Variants in ST6GALNAC3 observed in about 807,000 individuals in gnomAD.
ST6GALNAC3 encodes the protein ST6 N-acetylgalactosaminide alpha-2,6-sialyltransferase 3.
In ST6GALNAC3, 25 loss-of-function variants were observed where a neutral mutation model predicts 32.7. The observed-to-expected ratio is 0.76, with a 90% CI of 0.56 to 1.07. The LOEUF (loss-of-function observed/expected upper bound fraction) is 1.07. Ranked by LOEUF, ST6GALNAC3 falls within the 50% of genes least tolerant of loss-of-function variation. The probability of loss-of-function intolerance (pLI) is 0.00; values close to 1 mark genes in which losing one functional copy is unlikely to be tolerated. For synonymous variants in ST6GALNAC3, 129 were observed against 133.1 expected, an observed-to-expected ratio of 0.97 and a Z score of 0.21; for missense variants, 355 against 382.4, an observed-to-expected ratio of 0.93 and a Z score of 0.60.
chr1:76,389,001 TGGTA>T (rs1652313962), intron 2 of ST6GALNAC3, among the ~76,000 whole-genome samples: 1 of 124,102 alleles, frequency 8.1e-6, no homozygotes. Context: ...GGTTGTTAGT[TGGTA>T]TATTTCCTTT....
intron 3 of ST6GALNAC3, among the ~76,000 whole-genome samples, chr1:76,442,743 T>A (rs1224972873): frequency 6.6e-6 from 1 of 152,162 alleles, no homozygotes; most frequent in African/African-American, 2.4e-5. Context: ...CTTGGCATAG[T>A]CCCTTTTAGG....
intron 1 of ST6GALNAC3, chr1:76,309,956 G>T (rs758240488): frequency 6.1e-6 from 3 of 491,058 alleles, no homozygotes; most frequent in South Asian, 4.4e-5. Context: ...CAAAATGGTT[G>T]ACTTATTTTT....
intron 1 of ST6GALNAC3, among the ~76,000 whole-genome samples, chr1:76,203,860 T>C (rs1226234784): frequency 6.6e-6 from 1 of 152,222 alleles, no homozygotes; most frequent in Non-Finnish European, 1.5e-5. Context: ...ACCTTAAATA[T>C]ATGTCTTTTC....
chr1:76,364,119 G>T (rs1392251199), intron 2 of ST6GALNAC3, among the ~76,000 whole-genome samples: 5 of 152,132 alleles, frequency 3.3e-5, no homozygotes, highest in Non-Finnish European at 5.9e-5. Flanking sequence ...TACAAGGAAC[G>T]TATAAAACTC....
At chr1:76,619,938 A>G (rs889703231) in intron 3 of ST6GALNAC3, among the ~76,000 whole-genome samples, 1 of 152,066 alleles carries the variant, frequency 6.6e-6, no homozygotes, top group African/African-American at 2.4e-5. Context: ...AGAAGAAATT[A>G]TCCTCTTCAA....
chr1:76,294,430 T>C (rs1454164247), intron 1 of ST6GALNAC3, among the ~76,000 whole-genome samples: 2 of 152,102 alleles, frequency 1.3e-5, no homozygotes, highest in African/African-American at 2.4e-5. Context: ...ACCTCACTAT[T>C]GTTTAACTGC....
intron 1 of ST6GALNAC3, among the ~76,000 whole-genome samples, chr1:76,158,664 A>G (rs1174348235): frequency 6.6e-6 from 1 of 152,224 alleles, no homozygotes; most frequent in Non-Finnish European, 1.5e-5. Flanking sequence ...AGATCATAGT[A>G]GCTACCTCAC....
Position 76,634,270 on chromosome 1 carries a change from G to T in ST6GALNAC3, c.*5464G>T. On this transcript the variant is annotated 3_prime_UTR_variant, in exon 5 of 5. Coordinates refer to ENST00000328299, the MANE Select transcript of ST6GALNAC3 (RefSeq NM_152996.4). Reference sequence around the variant, plus strand: ...CCTATGAAGTGAGAGCTATTTCTAAGAAACTTCAAAAAGATCAAAACGAGG... The same window carrying T: ...CCTATGAAGTGAGAGCTATTTCTAATAAACTTCAAAAAGATCAAAACGAGG... 1.5e-6 allele frequency: 1 copy of T among 659,820 alleles called. No homozygotes were observed. Among genetic ancestry groups the T allele is most frequent in the Non-Finnish European group, 1.9e-6 (1 of 532,588 alleles). 40.9% of individuals were successfully genotyped at this position (659,820 alleles called of 1,614,324 possible).
intron 3 of ST6GALNAC3, among the ~76,000 whole-genome samples, chr1:76,510,115 G>A (rs192621128): frequency 6.6e-6 from 1 of 152,148 alleles, no homozygotes; most frequent in Non-Finnish European, 1.5e-5. Context: ...GTTCTGCCCT[G>A]AAGTGTCATC....
chr1:76,499,036 C>A (rs911057014), intron 3 of ST6GALNAC3, among the ~76,000 whole-genome samples: 38 of 152,050 alleles, frequency 2.5e-4, no homozygotes, highest in African/African-American at 8.2e-4. Flanking sequence ...TAATATATAA[C>A]AATCTCCTTG....
At chr1:76,226,057 G>T (rs1192371491) in intron 1 of ST6GALNAC3, among the ~76,000 whole-genome samples, 1 of 152,104 alleles carries the variant, frequency 6.6e-6, no homozygotes, top group Admixed American at 6.6e-5. Flanking sequence ...ATATATTATG[G>T]CTGCTTTTGA....
At chr1:76,454,744 C>T (rs1223301032) in intron 3 of ST6GALNAC3, among the ~76,000 whole-genome samples, 1 of 152,006 alleles carries the variant, frequency 6.6e-6, no homozygotes, top group African/African-American at 2.4e-5. Context: ...CTTTAGATAC[C>T]CTGATGACTA....
intron 1 of ST6GALNAC3, among the ~76,000 whole-genome samples, chr1:76,287,333 T>C (rs1659836944): frequency 6.6e-6 from 1 of 152,144 alleles, no homozygotes; most frequent in Admixed American, 6.5e-5. Flanking sequence ...ATAAGAGCAG[T>C]TGAAGTTATT....
chr1:76,373,500 G>A (rs1053055417), intron 2 of ST6GALNAC3, among the ~76,000 whole-genome samples: 2 of 152,162 alleles, frequency 1.3e-5, no homozygotes, highest in Non-Finnish European at 2.9e-5. Context: ...CAGAAGCTTC[G>A]TCTTCTACAC....
intron 1 of ST6GALNAC3, among the ~76,000 whole-genome samples, chr1:76,282,670 T>C (rs771682512): frequency 1.3e-5 from 2 of 152,166 alleles, no homozygotes; most frequent in Non-Finnish European, 2.9e-5. Flanking sequence ...ACTAATTTTT[T>C]AGATTACTAG....
At chr1:76,307,923 T>C (rs1463168943) in intron 1 of ST6GALNAC3, 3 of 516,218 alleles carry the variant, frequency 5.8e-6, no homozygotes, top group Non-Finnish European at 1.2e-5. Context: ...TAAATGATAT[T>C]CCCACTCTAA....
intron 2 of ST6GALNAC3, among the ~76,000 whole-genome samples, chr1:76,315,303 T>TC (rs1646844937): frequency 6.6e-6 from 1 of 151,864 alleles, no homozygotes; most frequent in African/African-American, 2.4e-5. Flanking sequence ...ATTCTATAAC[T>TC]CTACTGTATG....
At chr1:76,229,462 G>A (rs1656244721) in intron 1 of ST6GALNAC3, among the ~76,000 whole-genome samples, 3 of 152,006 alleles carry the variant, frequency 2.0e-5, no homozygotes, top group South Asian at 4.1e-4. Flanking sequence ...TTTTTTTCAG[G>A]ATAAAGCTTT....
intron 3 of ST6GALNAC3, among the ~76,000 whole-genome samples, chr1:76,538,240 A>C (rs892758343): frequency 6.6e-6 from 1 of 152,246 alleles, no homozygotes; most frequent in Non-Finnish European, 1.5e-5. Flanking sequence ...AACGTAATCC[A>C]TCACATAAAC....
Sources: allele counts gnomAD v4.1 joint callset (sites outside exome capture counted in the v4.1 genomes callset), GRCh38; gene constraint gnomAD v4.1.1; transcripts MANE v1.5; gene names NCBI Gene and HGNC (gene_info 2026-07-23, HGNC 2026-07-21).